TULP2: variants seen among roughly 807,000 people sequenced by gnomAD.
TULP2 encodes TUB like protein 2.
Under a neutral mutation model 60.3 loss-of-function variants are expected in TULP2, and 64 were observed. The observed-to-expected ratio is 1.06, with a 90% CI of 0.87 to 1.31. The LOEUF is 1.31. TULP2 is among the 50% of genes most tolerant of loss of function. TULP2 has a pLI of 0.00. For missense variants in TULP2, 652 were observed against 667.0 expected, an observed-to-expected ratio of 0.98 and a Z score of 0.25; for synonymous variants, 267 against 265.4, an observed-to-expected ratio of 1.01 and a Z score of -0.06.
chr19:48,883,075 C>G (rs548457058), intron 11 of TULP2, among the ~76,000 whole-genome samples: 1 of 152,014 alleles, frequency 6.6e-6, no homozygotes, highest in Non-Finnish European at 1.5e-5. Context: ...AAAAATTAGA[C>G]GGGCATGGTA....
In TULP2 at chr19:48,895,508, GAGA is replaced by G; in HGVS notation, c.212-8_212-6del. On this transcript the variant is annotated splice_region_variant and splice_polypyrimidine_tract_variant and intron_variant, in intron 4 of 12. Coordinates refer to ENST00000221399, the MANE Select transcript of TULP2 (RefSeq NM_003323.3). ...GGAGGAAAGGGTTCCCAAGGCCTGG[GAGA>G]AGGTTCAGCGAGCCCATGAAAACGA... is the stretch of plus-strand genomic sequence containing the variant. 2 of 1,600,296 alleles carry G rather than the reference GAGA, an allele frequency of 1.2e-6. No individual in the cohort carries two copies. The highest frequency in any genetic ancestry group is 1.7e-6 in the Non-Finnish European group (2 of 1,169,812).
Position 48,897,323 on chromosome 19 carries a change from G to A in TULP2, c.84+22C>T. ...CACAGAAGGCGGAAGAGTTGGAGTG[G>A]TGAGATTCCTGGGCACAATACCTGC... On this transcript the variant is annotated intron_variant, in intron 3 of 12. Coordinates refer to ENST00000221399, the MANE Select transcript of TULP2 (RefSeq NM_003323.3). The surrounding 1 kb of genome is among the most constrained non-coding windows in gnomAD (Gnocchi z 4.0). 1 of 1,612,974 alleles carries A rather than the reference G, an allele frequency of 6.2e-7. No homozygotes were observed. Among genetic ancestry groups the A allele is most frequent in the African/African-American group, 1.3e-5 (1 of 75,010 alleles).
Position 48,893,944 on chromosome 19 carries a change from C to T in TULP2, c.514+1054G>A, listed in dbSNP as rs182366999. Among the ~76,000 whole-genome samples, 6 of 152,248 alleles carry T rather than the reference C, an allele frequency of 3.9e-5. No homozygotes were observed. The East Asian group carries it at 7.7e-4, about 20-fold the overall frequency. ...AATTATATAAATATAGTTAGCTTCT[C>T]GTATCCTACAGGCTCCACATCCCCA... On this transcript the variant is annotated intron_variant, in intron 6 of 12. Coordinates refer to ENST00000221399, the MANE Select transcript of TULP2 (RefSeq NM_003323.3).
At chr19:48,895,316 T>C (rs1296894834) in intron 5 of TULP2, 50 bp downstream of exon 5, 22 of 1,599,904 alleles carry the variant, frequency 1.4e-5, no homozygotes, top group Non-Finnish European at 1.8e-5. Flanking sequence ...TCCTGGGTTT[T>C]AGTGGGGACG....
intron 8 of TULP2, among the ~76,000 whole-genome samples, chr19:48,887,449 C>G (rs1205444122): frequency 6.6e-6 from 1 of 150,538 alleles, no homozygotes; most frequent in Non-Finnish European, 1.5e-5. Context: ...CTCAGCCTCC[C>G]GAGTAGCTTG....
rs781735787 is a variant in TULP2 at position 48,887,989 on chromosome 19, G to A, written c.909C>T (p.Pro303=). The part of the protein sequence containing the change: ...DKHGVDKGLF[P]LYYLYLETSD... The stretch of plus-strand genomic sequence containing the variant: ...AGGTCTCCAGGTAGAGGTAGTAGAG[G>A]GGGAACAAGCCCTTGTCCACGCCGT... Residue 303 remains proline, a synonymous_variant, in exon 8 of 13, where the codon CCC becomes CCT. Transcript: ENST00000221399. The A allele has an allele frequency of 2.0e-5, 32 of 1,613,878 alleles. No individual in the cohort carries two copies. The African/African-American group carries it at 2.7e-4, about 13-fold the overall frequency.
At chr19:48,889,081 A>G (rs899313495) in intron 7 of TULP2, among the ~76,000 whole-genome samples, 10 of 149,764 alleles carry the variant, frequency 6.7e-5, no homozygotes, top group African/African-American at 2.5e-4. Flanking sequence ...GGTTCAAGTG[A>G]TTCTCCTGCC....
At position 48,889,521 on chromosome 19, in the gene TULP2, C is replaced by T. The variant is rs1209548850; in HGVS notation, c.625G>A (p.Ala209Thr). The stretch of plus-strand genomic sequence containing the variant: ...GTGCATTTTCCTACCTTTTGGAAGG[C>T]CAAGTTTTCATATACACAGTCACCA... ...MDGDCVYENLAFQKEEDLEKK... is the reference protein window; with the variant it reads ...MDGDCVYENLTFQKEEDLEKK... Residue 209 changes from alanine (A) to threonine (T), a missense_variant, in exon 7 of 13, where the codon GCC (alanine) becomes ACC (threonine). By Grantham distance (58) the Ala-to-Thr change is moderately conservative. Coordinates refer to ENST00000221399, the MANE Select transcript of TULP2 (RefSeq NM_003323.3). 6.4e-7 allele frequency: 1 copy of T among 1,570,754 alleles called. No individual in the cohort carries two copies.
chr19:48,896,322 T>C lies in TULP2; in HGVS notation c.211+108A>G. On this transcript the variant is annotated intron_variant, in intron 4 of 12. Transcript: ENST00000221399. ...TGGGCCAAGGCCCGCCCCCATCCAC[T>C]GCCAAGTCCCCACCCTAAGGCTCCA... The C allele has an allele frequency of 2.9e-6, 4 of 1,374,082 alleles. No homozygotes were observed. In the South Asian group the frequency reaches 6.1e-5, roughly 21 times the overall value. 85.1% of individuals were successfully genotyped at this position (1,374,082 alleles called of 1,614,324 possible). A position where few individuals can be genotyped will look rare whatever the true frequency, so the allele number is the denominator to read the frequency against.
Position 48,895,405 on chromosome 19 carries a change from T to G in TULP2, c.310A>C (p.Arg104=), listed in dbSNP as rs1428175550. Residue 104 remains arginine, a synonymous_variant, in exon 5 of 13, where the codon AGG becomes CGG. Coordinates refer to ENST00000221399, the MANE Select transcript of TULP2 (RefSeq NM_003323.3). ...LGTVSCGGDG[R]GERGLPTPRT... is the part of the protein sequence containing the mutation. ...GGTGTCGGGAGGCCGCGCTCGCCCC[T>G]GCCGTCTCCACCACAGCTCACGGTG... is the stretch of plus-strand genomic sequence containing the variant. 8 of 1,613,894 alleles carry G rather than the reference T, an allele frequency of 5.0e-6. No individual in the cohort carries two copies. In the African/African-American group the frequency reaches 9.3e-5, roughly 19 times the overall value.
chr19:48,898,034 G>C (rs535593365), intron 1 of TULP2, among the ~76,000 whole-genome samples, 165 bp from the exon 2 acceptor site: 1 of 151,888 alleles, frequency 6.6e-6, no homozygotes, highest in Non-Finnish European at 1.5e-5. Flanking sequence ...GTGCAGTGGC[G>C]CCATCTCGGC....
At chr19:48,882,350 AG>A in intron 11 of TULP2, 147 bp from the exon 12 acceptor site, 1 of 805,136 alleles carries the variant, frequency 1.2e-6, no homozygotes, top group South Asian at 1.8e-5. Flanking sequence ...CTGCGTTCCC[AG>A]GAGGTTAGGC....
chr19:48,892,173 G>A (rs1010057047), intron 6 of TULP2, among the ~76,000 whole-genome samples: 4 of 152,174 alleles, frequency 2.6e-5, no homozygotes, highest in African/African-American at 4.8e-5. Context: ...GACCCTTTAC[G>A]GGTGTCGGGC....
At chr19:48,890,765 C>T (rs1280037600) in intron 6 of TULP2, among the ~76,000 whole-genome samples, 2 of 152,104 alleles carry the variant, frequency 1.3e-5, no homozygotes, top group African/African-American at 2.4e-5. Context: ...TCCAGGTGCA[C>T]GGAAGTCTAC....
intron 11 of TULP2, among the ~76,000 whole-genome samples, chr19:48,883,047 G>A (rs1438311989): frequency 2.0e-5 from 3 of 152,038 alleles, no homozygotes; most frequent in South Asian, 2.1e-4. Flanking sequence ...GTGAAACCCC[G>A]GCTCTACTAA....
chr19:48,897,487 G>C lies in TULP2; in HGVS notation c.33-91C>G, dbSNP rs1343322095. 2.1e-6 allele frequency: 3 copies of C among 1,401,482 alleles called. No homozygotes were observed. The highest frequency in any genetic ancestry group is 2.9e-5 in the African/African-American group (2 of 69,938). 86.8% of individuals were successfully genotyped at this position (1,401,482 alleles called of 1,614,324 possible). On this transcript the variant is annotated intron_variant, in intron 2 of 12. Transcript: ENST00000221399. This position sits in a 1 kb window ranked among gnomAD's most constrained non-coding sequence, Gnocchi z 4.0. Reference sequence around the variant, plus strand: ...CTTCCCCCATCCTGCCCCTATCTCAGCTTGGGTTCTGGGCACCTGTGAGGT... The same window carrying C: ...CTTCCCCCATCCTGCCCCTATCTCACCTTGGGTTCTGGGCACCTGTGAGGT...
rs954572310 is a variant in TULP2, at chr19:48,897,036, C to T, written c.84+309G>A. On this transcript the variant is annotated intron_variant, in intron 3 of 12. Coordinates refer to ENST00000221399, the MANE Select transcript of TULP2 (RefSeq NM_003323.3). The surrounding 1 kb of genome is among the most constrained non-coding windows in gnomAD (Gnocchi z 4.0). ...TCCCGAGTAGCTGGGATTACAGGCGCCTGCCACCACACCTGGCTAATTTTT... is the reference window on the plus strand; with the variant it reads ...TCCCGAGTAGCTGGGATTACAGGCGTCTGCCACCACACCTGGCTAATTTTT... 6.6e-6 allele frequency among the ~76,000 whole-genome samples: 1 copy of T among 152,010 alleles called. No individual in the cohort carries two copies. The highest frequency in any genetic ancestry group is 2.4e-5 in the African/African-American group (1 of 41,376).
intron 8 of TULP2, among the ~76,000 whole-genome samples, chr19:48,886,531 G>T (rs986484105): frequency 6.6e-6 from 1 of 152,014 alleles, no homozygotes; most frequent in Non-Finnish European, 1.5e-5. Context: ...AAATGGGTTT[G>T]GTTGGCTCTG....
intron 8 of TULP2, among the ~76,000 whole-genome samples, chr19:48,887,310 C>CT (rs1599991022): frequency 1.6e-5 from 1 of 64,410 alleles, no homozygotes; most frequent in Admixed American, 2.5e-4. Flanking sequence ...CGCGCCCAGC[C>CT]CTTTTTTTTT....
Sources: allele counts gnomAD v4.1 joint callset (sites outside exome capture counted in the v4.1 genomes callset), GRCh38; gene constraint gnomAD v4.1.1; non-coding constraint Gnocchi (gnomAD v3.1); transcripts MANE v1.5; gene names NCBI Gene and HGNC (gene_info 2026-07-23, HGNC 2026-07-21).